The following SPATS2 variants were observed in gnomAD, a reference collection of about 807,000 sequenced individuals.
SPATS2 encodes spermatogenesis-associated serine-rich protein 2.
Under a neutral mutation model 63.7 loss-of-function variants are expected in SPATS2, and 38 were observed. The ratio of observed to expected loss-of-function variants is 0.60; its 90% CI spans 0.46 to 0.78. SPATS2 has a LOEUF of 0.78. Ranked by LOEUF, SPATS2 falls within the 30% of genes least tolerant of loss-of-function variation. The pLI is 0.00. For missense variants in SPATS2, 588 were observed against 666.2 expected, an observed-to-expected ratio of 0.88 and a Z score of 1.29; for synonymous variants, 207 against 232.9, an observed-to-expected ratio of 0.89 and a Z score of 1.01.
intron 2 of SPATS2, among the ~76,000 whole-genome samples, chr12:49,411,332 G>T (rs530467325): frequency 6.6e-6 from 1 of 152,096 alleles, no homozygotes; most frequent in Non-Finnish European, 1.5e-5. Context: ...CCTCAACTTG[G>T]ACTTCCAAGC....
rs1399528558 is a variant in SPATS2 at position 49,407,299 on chromosome 12, TA to T, written c.-244+36013del. On this transcript the variant is annotated intron_variant, in intron 2 of 13. Transcript: ENST00000552918. ...CAGCAGACCTCCAGAATGATCCTCT[TA>T]AAATTAAGTCAAATGAGGTTGTCAC... Among the ~76,000 whole-genome samples, 5 of 152,250 alleles carry T rather than the reference TA, an allele frequency of 3.3e-5. No homozygotes were observed. In the East Asian group the frequency reaches 9.7e-4, roughly 29 times the overall value.
intron 2 of SPATS2, among the ~76,000 whole-genome samples, chr12:49,372,003 GGTAATTCTAT>G (rs1360846396): frequency 6.6e-6 from 1 of 150,596 alleles, no homozygotes; most frequent in African/African-American, 2.4e-5. Flanking sequence ...TGGATCCTAT[GGTAATTCTAT>G]GTTTAGTTTT....
chr12:49,487,251 C>T (rs889394061), intron 4 of SPATS2, among the ~76,000 whole-genome samples: 2 of 152,140 alleles, frequency 1.3e-5, no homozygotes, highest in African/African-American at 4.8e-5. Flanking sequence ...CTTTGGGAGG[C>T]CGAGGCAGGC....
chr12:49,419,485 A>G (rs1392199318), intron 2 of SPATS2, among the ~76,000 whole-genome samples: 1 of 152,238 alleles, frequency 6.6e-6, no homozygotes, highest in Non-Finnish European at 1.5e-5. Flanking sequence ...ATGTGAGGAA[A>G]AAAGCTGCTT....
At chr12:49,498,790 ATTTTTTTTTTT>A (rs147335434) in intron 8 of SPATS2, among the ~76,000 whole-genome samples, 3 of 95,078 alleles carry the variant, frequency 3.2e-5, no homozygotes, top group East Asian at 2.7e-4. Flanking sequence ...TATGGTATCT[ATTTTTTTTTTT>A]TTTTTTTTTG....
chr12:49,410,723 A>G (rs1321978921), intron 2 of SPATS2, among the ~76,000 whole-genome samples: 1 of 152,048 alleles, frequency 6.6e-6, no homozygotes, highest in Non-Finnish European at 1.5e-5. Flanking sequence ...CCTCTGTTAG[A>G]TGCTGGGGAA....
chr12:49,396,966 T>G (rs1408189383), intron 2 of SPATS2, among the ~76,000 whole-genome samples: 1 of 152,228 alleles, frequency 6.6e-6, no homozygotes, highest in African/African-American at 2.4e-5. Flanking sequence ...AACACAGTGA[T>G]CATTAATATA....
intron 2 of SPATS2, among the ~76,000 whole-genome samples, chr12:49,458,265 C>A (rs1410808999): frequency 6.6e-6 from 1 of 152,108 alleles, no homozygotes; most frequent in East Asian, 1.9e-4. Context: ...GTCAGGAGTT[C>A]AGGACCAGCC....
chr12:49,388,641 G>A (rs1944363257), intron 2 of SPATS2, among the ~76,000 whole-genome samples: 1 of 149,164 alleles, frequency 6.7e-6, no homozygotes, highest in Admixed American at 6.7e-5. Context: ...CTCCCAAAGT[G>A]TTGGGATTAC....
intron 10 of SPATS2, among the ~76,000 whole-genome samples, chr12:49,516,088 C>T (rs1388216839): frequency 7.9e-6 from 1 of 126,834 alleles, no homozygotes; most frequent in Non-Finnish European, 1.6e-5. Context: ...TGCAGTGAGC[C>T]GAGATTGCGC....
At chr12:49,485,366 T>C (rs979666474) in intron 4 of SPATS2, among the ~76,000 whole-genome samples, 1 of 151,966 alleles carries the variant, frequency 6.6e-6, no homozygotes, top group South Asian at 2.1e-4. Context: ...AATAGGTCTT[T>C]TGTGGGTTTT....
At chr12:49,461,146 A>G in intron 3 of SPATS2, 109 bp downstream of exon 3, 1 of 1,132,410 alleles carries the variant, frequency 8.8e-7, no homozygotes, top group Non-Finnish European at 1.3e-6. Flanking sequence ...TGGTTTTACA[A>G]GTATTTATGG....
At chr12:49,496,315 G>C (rs1168248553) in intron 7 of SPATS2, among the ~76,000 whole-genome samples, 1 of 152,138 alleles carries the variant, frequency 6.6e-6, no homozygotes, top group African/African-American at 2.4e-5. Context: ...GTCTCTCTCT[G>C]TTGCCCAAGC....
At chr12:49,401,747 G>A (rs1234970142) in intron 2 of SPATS2, among the ~76,000 whole-genome samples, 5 of 151,952 alleles carry the variant, frequency 3.3e-5, no homozygotes, top group African/African-American at 1.2e-4. Flanking sequence ...GCCCCGACTG[G>A]AGTGCAGTGG....
intron 4 of SPATS2, among the ~76,000 whole-genome samples, chr12:49,485,319 G>T (rs1362378383): frequency 6.6e-6 from 1 of 151,858 alleles, no homozygotes; most frequent in Non-Finnish European, 1.5e-5. Context: ...CTCCCAAAGT[G>T]CTGGGATTAC....
At chr12:49,378,629 C>T (rs1205142957) in intron 2 of SPATS2, among the ~76,000 whole-genome samples, 1 of 150,042 alleles carries the variant, frequency 6.7e-6, no homozygotes, top group Non-Finnish European at 1.5e-5. Context: ...AGGGTCTAGC[C>T]CTGTCGCCTA....
chr12:49,498,143 AAAATATATATATAT>A (rs1210939902), intron 8 of SPATS2, among the ~76,000 whole-genome samples: 14 of 95,056 alleles, frequency 1.5e-4, no homozygotes, highest in African/African-American at 8.4e-4. Context: ...AAAAAAAAAA[AAAATATATATATAT>A]ATATATATAT....
chr12:49,500,952 T>C (rs1274551234), intron 9 of SPATS2, among the ~76,000 whole-genome samples: 1 of 151,986 alleles, frequency 6.6e-6, no homozygotes, highest in Non-Finnish European at 1.5e-5. Flanking sequence ...TTATTATTAT[T>C]ATTGTTGTTT....
chr12:49,503,307 G>A (rs1437452539), intron 9 of SPATS2, among the ~76,000 whole-genome samples: 3 of 151,540 alleles, frequency 2.0e-5, no homozygotes, highest in Non-Finnish European at 4.4e-5. Context: ...CTGAGATCGC[G>A]CCATTGCACT....
Sources: allele counts gnomAD v4.1 joint callset (sites outside exome capture counted in the v4.1 genomes callset), GRCh38; gene constraint gnomAD v4.1.1; transcripts MANE v1.5; gene names NCBI Gene and HGNC (gene_info 2026-07-23, HGNC 2026-07-21).